NEGR1: variants seen among roughly 807,000 people sequenced by gnomAD.
NEGR1 encodes the protein neuronal growth regulator 1, also known as IgLON family member 4.
A neutral mutation model predicts 40.9 loss-of-function variants in NEGR1; 10 were observed. The observed-to-expected ratio is 0.24, with a 90% CI of 0.15 to 0.42. The LOEUF (loss-of-function observed/expected upper bound fraction) is 0.42. NEGR1 is among the 10% of genes least tolerant of loss of function. NEGR1 has a pLI of 1.00. For synonymous variants in NEGR1, 185 were observed against 166.8 expected (o/e 1.11, Z -0.84); for missense variants, 352 against 438.9 (o/e 0.80, Z 1.77).
chr1:72,123,549 A>G (rs558450445), intron 1 of NEGR1, among the ~76,000 whole-genome samples: 2 of 151,948 alleles, frequency 1.3e-5, no homozygotes, highest in African/African-American at 2.4e-5. Flanking sequence ...ATACTAGATA[A>G]TAAGTTTTCA....
intron 3 of NEGR1, among the ~76,000 whole-genome samples, chr1:71,775,008 T>C (rs911309542): frequency 2.0e-5 from 3 of 152,208 alleles, no homozygotes; most frequent in African/African-American, 4.8e-5. Flanking sequence ...ACATAAACTC[T>C]TGGATTTTTA....
chr1:71,925,923 T>C (rs1645768281), intron 2 of NEGR1, among the ~76,000 whole-genome samples: 3 of 152,092 alleles, frequency 2.0e-5, no homozygotes, highest in Admixed American at 2.0e-4. Context: ...TTGACATGTA[T>C]TACTTACACA....
intron 6 of NEGR1, among the ~76,000 whole-genome samples, chr1:71,579,259 ATT>A (rs1649052825): frequency 1.3e-5 from 2 of 152,104 alleles, no homozygotes; most frequent in South Asian, 4.1e-4. Context: ...TATATTAGTC[ATT>A]CTTTCTATCA....
intron 3 of NEGR1, among the ~76,000 whole-genome samples, chr1:71,734,955 G>A (rs1006320025): frequency 6.6e-6 from 1 of 151,628 alleles, no homozygotes; most frequent in Non-Finnish European, 1.5e-5. Flanking sequence ...ATTTCCCCAA[G>A]GCTCTACTCT....
intron 6 of NEGR1, among the ~76,000 whole-genome samples, chr1:71,432,001 A>C (rs1646472349): frequency 6.6e-6 from 1 of 152,242 alleles, no homozygotes; most frequent in Non-Finnish European, 1.5e-5. Flanking sequence ...CAATGAAACC[A>C]GAATGGCTGA....
intron 6 of NEGR1, among the ~76,000 whole-genome samples, chr1:71,592,375 A>C (rs1649531035): frequency 6.6e-6 from 1 of 152,124 alleles, no homozygotes; most frequent in Non-Finnish European, 1.5e-5. Flanking sequence ...TTACTGTTTC[A>C]TTTTATGTAT....
chr1:72,147,151 A>G (rs1245278219), intron 1 of NEGR1, among the ~76,000 whole-genome samples: 27 of 152,184 alleles, frequency 1.8e-4, no homozygotes, highest in Admixed American at 1.8e-3. Flanking sequence ...TTTTATTTTA[A>G]AAGTAAAAAT....
intron 6 of NEGR1, among the ~76,000 whole-genome samples, chr1:71,551,836 T>C (rs969336690): frequency 6.6e-6 from 1 of 151,680 alleles, no homozygotes; most frequent in Non-Finnish European, 1.5e-5. Context: ...ACTTCTTTTC[T>C]ATTGAAAGGG....
chr1:71,765,247 G>T (rs1656081559), intron 3 of NEGR1, among the ~76,000 whole-genome samples: 1 of 152,116 alleles, frequency 6.6e-6, no homozygotes. Context: ...AAACTTGAAT[G>T]AATTGGGCTA....
At chr1:72,172,539 C>T (rs1365308425) in intron 1 of NEGR1, among the ~76,000 whole-genome samples, 2 of 152,122 alleles carry the variant, frequency 1.3e-5, no homozygotes, top group African/African-American at 4.8e-5. Context: ...GTTTAAAAAT[C>T]CATTTTTCAT....
chr1:71,696,667 T>C (rs1653484110), intron 4 of NEGR1, among the ~76,000 whole-genome samples: 1 of 151,836 alleles, frequency 6.6e-6, no homozygotes, highest in African/African-American at 2.4e-5. Flanking sequence ...TTACCTCTTA[T>C]TTCAGAGAGT....
At chr1:71,983,663 C>T (rs1646371972) in intron 1 of NEGR1, among the ~76,000 whole-genome samples, 1 of 152,078 alleles carries the variant, frequency 6.6e-6, no homozygotes, top group Non-Finnish European at 1.5e-5. Context: ...AACAACTAAA[C>T]TCTCAGAAAT....
chr1:71,965,361 C>T (rs1646201789), intron 1 of NEGR1, among the ~76,000 whole-genome samples: 2 of 152,276 alleles, frequency 1.3e-5, no homozygotes, highest in South Asian at 4.1e-4. Flanking sequence ...TTTTCTGTTA[C>T]TTGCAGCTGA....
intron 2 of NEGR1, among the ~76,000 whole-genome samples, chr1:71,884,624 T>C (rs1570466018): frequency 6.6e-6 from 1 of 152,196 alleles, no homozygotes; most frequent in African/African-American, 2.4e-5. Context: ...TAAACATCTG[T>C]GGTATACCAA....
At chr1:71,549,850 T>A (rs1648019376) in intron 6 of NEGR1, among the ~76,000 whole-genome samples, 1 of 151,642 alleles carries the variant, frequency 6.6e-6, no homozygotes, top group Non-Finnish European at 1.5e-5. Context: ...TGACTACCAT[T>A]GAAAGCTCAA....
chr1:71,710,995 C>T (rs896783580), intron 3 of NEGR1, among the ~76,000 whole-genome samples: 23 of 151,690 alleles, frequency 1.5e-4, no homozygotes, highest in African/African-American at 5.3e-4. Flanking sequence ...CTCATGTACC[C>T]CATAAATATA....
At chr1:72,218,203 T>C (rs1653888935) in intron 1 of NEGR1, among the ~76,000 whole-genome samples, 1 of 151,898 alleles carries the variant, frequency 6.6e-6, no homozygotes, top group Non-Finnish European at 1.5e-5. Flanking sequence ...TTGTGACACA[T>C]TTGAGGCTAT....
chr1:72,157,745 T>G (rs1651411688), intron 1 of NEGR1, among the ~76,000 whole-genome samples: 1 of 152,166 alleles, frequency 6.6e-6, no homozygotes, highest in African/African-American at 2.4e-5. Context: ...GCAATACCAC[T>G]TCATCATGTG....
chr1:72,222,158 C>A (rs1343395764), intron 1 of NEGR1, among the ~76,000 whole-genome samples: 1 of 152,120 alleles, frequency 6.6e-6, no homozygotes, highest in Admixed American at 6.5e-5. Context: ...AGCACCATGT[C>A]AGCCCCTATG....
Sources: gnomAD v4.1 joint callset for allele counts (sites outside exome capture counted in the v4.1 genomes callset) on GRCh38, gnomAD v4.1.1 for gene constraint, MANE v1.5 for transcripts, NCBI Gene and HGNC (gene_info 2026-07-23, HGNC 2026-07-21) for gene names.